Variants in EML6 observed in about 807,000 individuals in gnomAD.
The protein encoded by EML6 is echinoderm microtubule-associated protein-like 6.
Under a neutral mutation model 240.1 loss-of-function variants are expected in EML6, and 154 were observed. That is an observed-to-expected ratio of 0.64 (90% CI 0.56 to 0.73). The LOEUF is 0.73. Ranked by LOEUF, EML6 falls within the 30% of genes least tolerant of loss-of-function variation. The probability of loss-of-function intolerance (pLI) is 0.00; values close to 1 mark genes in which losing one functional copy is unlikely to be tolerated. For missense variants in EML6, 2,964 were observed against 2,474.6 expected (o/e 1.20, Z -4.20); for synonymous variants, 1,148 against 899.0 (o/e 1.28, Z -4.95).
chr2:54,820,616 A>G (rs546718643), intron 5 of EML6, among the ~76,000 whole-genome samples, 154 bp downstream of exon 5: 1 of 152,182 alleles, frequency 6.6e-6, no homozygotes, highest in Non-Finnish European at 1.5e-5. Context: ...GAAGCAAACT[A>G]ACATCAGCTG....
chr2:54,827,867 C>A, intron 6 of EML6, 116 bp downstream of exon 6: 1 of 677,276 alleles, frequency 1.5e-6, no homozygotes. Flanking sequence ...CTGAACACTC[C>A]CTACTCATGA....
chr2:54,829,566 T>G (rs1668761978), intron 7 of EML6, 89 bp downstream of exon 7: 1 of 1,009,176 alleles, frequency 9.9e-7, no homozygotes, highest in South Asian at 2.0e-5. Flanking sequence ...GTACCCCATT[T>G]TAAAAAGGCA....
intron 11 of EML6, among the ~76,000 whole-genome samples, chr2:54,859,159 A>G (rs1056559418): frequency 1.3e-5 from 2 of 152,218 alleles, no homozygotes; most frequent in African/African-American, 4.8e-5. Context: ...TTTTATTTCC[A>G]TAGAATTATT....
At chr2:54,960,678 C>T (rs964547573) in intron 35 of EML6, among the ~76,000 whole-genome samples, 5 of 152,180 alleles carry the variant, frequency 3.3e-5, no homozygotes, top group Admixed American at 6.5e-5. Flanking sequence ...ATGATATCCT[C>T]ATAAGCTCAG....
intron 5 of EML6, among the ~76,000 whole-genome samples, chr2:54,826,426 C>T (rs1011088411): frequency 6.6e-5 from 10 of 152,146 alleles, no homozygotes; most frequent in Admixed American, 6.5e-4. Context: ...TGGTGAAACC[C>T]CATCTCTACT....
chr2:54,886,427 C>T (rs539319001), intron 17 of EML6, among the ~76,000 whole-genome samples: 4 of 152,266 alleles, frequency 2.6e-5, no homozygotes, highest in African/African-American at 9.6e-5. Context: ...ACCTCAGCCC[C>T]CCAGAGTGTT....
chr2:54,794,860 G>T (rs924851651), intron 2 of EML6, among the ~76,000 whole-genome samples: 1 of 152,172 alleles, frequency 6.6e-6, no homozygotes, highest in East Asian at 1.9e-4. Flanking sequence ...TGTAGCTTCA[G>T]TAGGTTCTGG....
chr2:54,776,063 G>T (rs73936460), intron 2 of EML6, among the ~76,000 whole-genome samples: 6,074 of 152,128 alleles, frequency 0.04, 407 homozygotes, highest in African/African-American at 0.14. Context: ...ATCTAGTTTT[G>T]ATAACCATAA....
At chr2:54,935,065 T>C (rs1450471861) in intron 28 of EML6, among the ~76,000 whole-genome samples, 2 of 152,238 alleles carry the variant, frequency 1.3e-5, no homozygotes, top group Non-Finnish European at 2.9e-5. Flanking sequence ...AGGAATATTA[T>C]AACCTTTTGT....
chr2:54,962,726 G>A lies in EML6; in HGVS notation c.5157+15G>A. 1 of 1,454,036 alleles carries A rather than the reference G, an allele frequency of 6.9e-7. No individual in the cohort carries two copies. 90.1% of individuals were successfully genotyped at this position (1,454,036 alleles called of 1,614,324 possible). A position where few individuals can be genotyped will look rare whatever the true frequency, so the allele number is the denominator to read the frequency against. On this transcript the variant is annotated intron_variant, in intron 36 of 41. Coordinates refer to ENST00000356458, the MANE Select transcript of EML6 (RefSeq NM_001039753.4). The stretch of plus-strand genomic sequence containing the variant: ...TGGCTGACAAGGTGAGGCCGACTCT[G>A]CCCAAACTCAGATGCCCACGAGTGG...
chr2:54,748,817 C>G (rs764642977), intron 2 of EML6, among the ~76,000 whole-genome samples: 2 of 152,136 alleles, frequency 1.3e-5, no homozygotes, highest in Non-Finnish European at 2.9e-5. Flanking sequence ...CCCACCTTGG[C>G]CTTTTAAAAT....
intron 28 of EML6, among the ~76,000 whole-genome samples, chr2:54,929,820 A>G (rs1006322900): frequency 6.6e-6 from 1 of 151,966 alleles, no homozygotes; most frequent in Non-Finnish European, 1.5e-5. Context: ...AAAAGCCCTA[A>G]TTTTTCCCTA....
At chr2:54,818,221 CTAATG>C (rs1178005472) in intron 4 of EML6, among the ~76,000 whole-genome samples, 2 of 152,078 alleles carry the variant, frequency 1.3e-5, no homozygotes, top group African/African-American at 4.8e-5. Flanking sequence ...GAAAAATAGC[CTAATG>C]TAATCACTTT....
intron 17 of EML6, 134 bp from the exon 18 acceptor site, chr2:54,890,920 T>A (rs926696790): frequency 2.2e-6 from 1 of 458,906 alleles, no homozygotes; most frequent in Non-Finnish European, 3.9e-6. Flanking sequence ...TAGATGCCCG[T>A]GTGGATTTTA....
intron 2 of EML6, among the ~76,000 whole-genome samples, chr2:54,747,651 G>A (rs968438940): frequency 3.9e-5 from 6 of 152,168 alleles, no homozygotes; most frequent in African/African-American, 1.4e-4. Context: ...AGTGGTAATT[G>A]TAAGGGAAAT....
At chr2:54,794,763 A>T (rs1240363476) in intron 2 of EML6, among the ~76,000 whole-genome samples, 6 of 152,192 alleles carry the variant, frequency 3.9e-5, no homozygotes, top group Non-Finnish European at 8.8e-5. Flanking sequence ...AGCTTACAAA[A>T]ATTGTACGAC....
chr2:54,845,705 A>G (rs1669714680), intron 8 of EML6, among the ~76,000 whole-genome samples: 2 of 152,304 alleles, frequency 1.3e-5, no homozygotes, highest in South Asian at 4.1e-4. Context: ...TGGATGAGGT[A>G]TTGAGAACAT....
At chr2:54,731,073 G>A (rs1683144319) in intron 2 of EML6, among the ~76,000 whole-genome samples, 1 of 152,200 alleles carries the variant, frequency 6.6e-6, no homozygotes, top group African/African-American at 2.4e-5. Flanking sequence ...TGGCATTTAA[G>A]CAGAAACCTG....
At position 54,928,764 on chromosome 2, in the gene EML6, C is replaced by G. The variant is rs947336648; in HGVS notation, c.4004+13C>G. ...CCGTGGAAGAAAGGTATGGTGTTGC[C>G]AGGTTTGCTTGCTTTTATTATACCT... On this transcript the variant is annotated intron_variant, in intron 28 of 41. Coordinates refer to ENST00000356458, the MANE Select transcript of EML6 (RefSeq NM_001039753.4). 6.4e-7 allele frequency: 1 copy of G among 1,551,628 alleles called. No homozygotes were observed. The highest frequency in any genetic ancestry group is 2.4e-5 in the East Asian group (1 of 40,924).
Sources: gnomAD v4.1 joint callset for allele counts (sites outside exome capture counted in the v4.1 genomes callset) on GRCh38, gnomAD v4.1.1 for gene constraint, MANE v1.5 for transcripts, NCBI Gene and HGNC (gene_info 2026-07-23, HGNC 2026-07-21) for gene names.